Variants in REDIC1 observed in about 807,000 individuals in gnomAD.
REDIC1 encodes HEI10 Interacting Protein 1.
chr12:39,808,759 G>A, the REDIC1 span, among the ~76,000 whole-genome samples: 195 of 152,072 alleles, frequency 1.3e-3, no homozygotes, highest in Non-Finnish European at 2.4e-3. Context: ...ATCTTTTGGC[G>A]TCTTTTGAAA....
the REDIC1 span, among the ~76,000 whole-genome samples, chr12:39,852,256 T>C: frequency 6.6e-6 from 1 of 152,224 alleles, no homozygotes. Flanking sequence ...GACCCGTCTC[T>C]GGTATTGTTC....
the REDIC1 span, among the ~76,000 whole-genome samples, chr12:39,784,081 C>T: frequency 1.3e-5 from 2 of 152,132 alleles, 1 homozygote; most frequent in South Asian, 4.1e-4. Context: ...AAAGAGGACA[C>T]AAACAAATGG....
the REDIC1 span, among the ~76,000 whole-genome samples, chr12:39,715,316 G>A: frequency 4.4e-3 from 674 of 151,954 alleles, 3 homozygotes; most frequent in Non-Finnish European, 6.7e-3. Flanking sequence ...TGTTGAAAAG[G>A]GTTTCTTTTC....
At chr12:39,714,290 T>TACA in the REDIC1 span, among the ~76,000 whole-genome samples, 1 of 145,064 alleles carries the variant, frequency 6.9e-6, no homozygotes. Context: ...TATACGTATA[T>TACA]GCATGCATAT....
At chr12:39,730,606 C>G in the REDIC1 span, among the ~76,000 whole-genome samples, 1 of 152,096 alleles carries the variant, frequency 6.6e-6, no homozygotes, top group Non-Finnish European at 1.5e-5. Context: ...TCCTTTATTT[C>G]AACTTTGGTG....
At chr12:39,818,067 C>T in the REDIC1 span, among the ~76,000 whole-genome samples, 2 of 152,210 alleles carry the variant, frequency 1.3e-5, no homozygotes, top group African/African-American at 4.8e-5. Flanking sequence ...TCCTAATTTA[C>T]CTCCTGCATT....
the REDIC1 span, among the ~76,000 whole-genome samples, chr12:39,681,446 C>G: frequency 6.6e-6 from 1 of 152,116 alleles, no homozygotes; most frequent in African/African-American, 2.4e-5. Context: ...CCAAACATCA[C>G]CCATTTCCCA....
the REDIC1 span, among the ~76,000 whole-genome samples, chr12:39,709,678 T>A: frequency 6.6e-6 from 1 of 151,846 alleles, no homozygotes; most frequent in South Asian, 2.1e-4. Context: ...GATTTCCTTC[T>A]TTTTCGTTGC....
the REDIC1 span, among the ~76,000 whole-genome samples, chr12:39,905,478 AG>A: frequency 6.6e-6 from 1 of 152,274 alleles, no homozygotes. Context: ...AGTTTCTAGA[AG>A]AGTTGCTTCA....
At chr12:39,854,442 C>A in the REDIC1 span, among the ~76,000 whole-genome samples, 18 of 152,322 alleles carry the variant, frequency 1.2e-4, no homozygotes, top group East Asian at 3.3e-3. Flanking sequence ...ATAATCGGCA[C>A]TGAGTATTCA....
chr12:39,689,584 A>G, the REDIC1 span, among the ~76,000 whole-genome samples: 2 of 152,204 alleles, frequency 1.3e-5, no homozygotes, highest in African/African-American at 4.8e-5. Context: ...GAGAAAGTGT[A>G]TAGAATAAGA....
At chr12:39,666,263 C>T in the REDIC1 span, among the ~76,000 whole-genome samples, 4 of 152,012 alleles carry the variant, frequency 2.6e-5, no homozygotes, top group South Asian at 2.1e-4. Flanking sequence ...TTATTGAGAG[C>T]TTTTAGCATG....
At chr12:39,801,427 A>G in the REDIC1 span, among the ~76,000 whole-genome samples, 3 of 151,948 alleles carry the variant, frequency 2.0e-5, no homozygotes, top group South Asian at 6.2e-4. Flanking sequence ...GCCATAAACA[A>G]AAGAGAGTTT....
the REDIC1 span, among the ~76,000 whole-genome samples, chr12:39,648,679 A>C: frequency 1.3e-5 from 2 of 151,228 alleles, no homozygotes; most frequent in Non-Finnish European, 3.0e-5. Context: ...TGTTAATGGG[A>C]ATACTTAGTT....
At chr12:39,713,007 A>G in the REDIC1 span, among the ~76,000 whole-genome samples, 1 of 142,380 alleles carries the variant, frequency 7.0e-6, no homozygotes, top group African/African-American at 2.6e-5. Flanking sequence ...GTATATGTAT[A>G]TATACATGTG....
chr12:39,774,482 T>G, the REDIC1 span, among the ~76,000 whole-genome samples: 7,207 of 152,116 alleles, frequency 0.047, 593 homozygotes, highest in African/African-American at 0.17. Flanking sequence ...TCTAATAACA[T>G]CTCTGTGATT....
chr12:39,835,117 T>C, the REDIC1 span, among the ~76,000 whole-genome samples: 1 of 152,104 alleles, frequency 6.6e-6, no homozygotes, highest in Non-Finnish European at 1.5e-5. Flanking sequence ...ACTCTAAGCA[T>C]AGACTAAAAT....
the REDIC1 span, chr12:39,682,828 C>A: frequency 1.2e-6 from 2 of 1,611,814 alleles, no homozygotes; most frequent in South Asian, 2.2e-5. Flanking sequence ...TTTTGTTAGT[C>A]AAAATATGAT....
chr12:39,770,013 C>G, the REDIC1 span, among the ~76,000 whole-genome samples: 1 of 151,040 alleles, frequency 6.6e-6, no homozygotes, highest in Admixed American at 6.6e-5. Flanking sequence ...TTGCTGACAA[C>G]TCTCCTTCCT....
Sources: allele counts gnomAD v4.1 joint callset (sites outside exome capture counted in the v4.1 genomes callset), GRCh38; gene constraint gnomAD v4.1.1; transcripts MANE v1.5; gene names NCBI Gene and HGNC (gene_info 2026-07-23, HGNC 2026-07-21).